Variants in ERICH2 observed in about 807,000 individuals in gnomAD.
ERICH2 encodes the protein glutamate-rich protein 2.
ERICH2 carries 17 observed loss-of-function variants against 17.4 expected under a neutral mutation model. That is an observed-to-expected ratio of 0.98 (90% CI 0.67 to 1.47). The LOEUF is 1.47. Ranked by LOEUF, ERICH2 falls within the 40% of genes most tolerant of loss-of-function variation. ERICH2 has a pLI of 0.00. For synonymous variants in ERICH2, 51 were observed against 61.1 expected (o/e 0.83, Z 0.77); for missense variants, 186 against 183.2 (o/e 1.01, Z -0.09).
intron 2 of ERICH2, among the ~76,000 whole-genome samples, chr2:170,785,252 A>G (rs1701131525): frequency 6.6e-6 from 1 of 152,190 alleles, no homozygotes; most frequent in Admixed American, 6.5e-5. Context: ...AATATTATAT[A>G]TCAATAAAAA....
At chr2:170,778,875 T>C (rs1290630079), upstream of ERICH2, among the ~76,000 whole-genome samples, 1 of 152,044 alleles carries the variant, frequency 6.6e-6, no homozygotes, top group Non-Finnish European at 1.5e-5. Flanking sequence ...GAGCAAGGGG[T>C]GTTCCACCTC....
rs181004069 is a variant in ERICH2, at chr2:170,787,502, G to T, written c.216+2669G>T. On this transcript the variant is annotated intron_variant, in intron 2 of 4. Coordinates refer to ENST00000409885, the Ensembl canonical transcript of ERICH2. ...GAGGACCTTCCACTCTGGCTGGTAA[G>T]AACATGAGCTGCTCTCAACCCTGTC... Among the ~76,000 whole-genome samples, 1,188 of 152,342 alleles carry T rather than the reference G, an allele frequency of 7.8e-3. 23 individuals carry two copies. Among genetic ancestry groups the T allele is most frequent in the African/African-American group, 0.027 (1,134 of 41,574 alleles).
At chr2:170,791,308 T>C (rs1241788326) in intron 2 of ERICH2, among the ~76,000 whole-genome samples, 1 of 152,098 alleles carries the variant, frequency 6.6e-6, no homozygotes, top group Non-Finnish European at 1.5e-5. Flanking sequence ...TAACATACCA[T>C]GGGCAGGGGG....
At chr2:170,772,602 AATTTAT>A in the ERICH2 span, among the ~76,000 whole-genome samples, 1 of 152,210 alleles carries the variant, frequency 6.6e-6, no homozygotes, top group Non-Finnish European at 1.5e-5. Flanking sequence ...AAATATATAA[AATTTAT>A]ATTTAGTCAG....
chr2:170,782,224 C>G (rs1430717228), upstream of ERICH2: 2 of 853,922 alleles, frequency 2.3e-6, no homozygotes, highest in Non-Finnish European at 2.8e-6. Context: ...AATATTTTTT[C>G]ACTGTCTAAC....
At chr2:170,772,966 A>C in the ERICH2 span, among the ~76,000 whole-genome samples, 2 of 152,258 alleles carry the variant, frequency 1.3e-5, no homozygotes, top group African/African-American at 4.8e-5. Context: ...AAATTTTTTG[A>C]AATCTGAATT....
Position 170,794,521 on chromosome 2 carries a change from A to G in ERICH2, c.274+1601A>G, listed in dbSNP as rs560686413. Reference sequence around the variant, plus strand: ...GCTGTTAAAACTATTTAGTGAGTCCAAGGTTGTCTTTTCCAATTTTAGAAT... The same window carrying G: ...GCTGTTAAAACTATTTAGTGAGTCCGAGGTTGTCTTTTCCAATTTTAGAAT... On this transcript the variant is annotated intron_variant, in intron 3 of 4. Transcript: ENST00000409885. Among the ~76,000 whole-genome samples, 3 of 152,282 alleles carry G rather than the reference A, an allele frequency of 2.0e-5. No homozygotes were observed. The South Asian group carries it at 6.2e-4, about 32-fold the overall frequency.
At chr2:170,787,438 T>G (rs1701183403) in intron 2 of ERICH2, among the ~76,000 whole-genome samples, 1 of 152,230 alleles carries the variant, frequency 6.6e-6, no homozygotes, top group Non-Finnish European at 1.5e-5. Flanking sequence ...ACTAAGGCAG[T>G]GCCCTTATGG....
chr2:170,794,005 A>G (rs918522116), intron 3 of ERICH2, among the ~76,000 whole-genome samples: 12 of 148,264 alleles, frequency 8.1e-5, no homozygotes, highest in Admixed American at 3.4e-4. Context: ...CTTTTTTTTC[A>G]TGATGTCCCA....
At chr2:170,782,522 G>C (rs139359926), upstream of ERICH2, 1 of 205,476 alleles carries the variant, frequency 4.9e-6, no homozygotes, top group Non-Finnish European at 8.6e-6. Flanking sequence ...CCAAAGTCAT[G>C]TTGTAGGTGA....
chr2:170,777,809 C>A, the ERICH2 span: 2 of 481,398 alleles, frequency 4.2e-6, no homozygotes, highest in Non-Finnish European at 3.3e-6. Context: ...AGCACTTCAG[C>A]TTTTGCTGCA....
the ERICH2 span, chr2:170,771,043 T>C: frequency 7.0e-6 from 1 of 142,424 alleles, no homozygotes; most frequent in Non-Finnish European, 1.5e-5. The surrounding 1 kb of genome is among the most constrained non-coding windows in gnomAD (Gnocchi z 4.8). Context: ...CCTCGGCTGC[T>C]GCCCGAGCTT....
At chr2:170,775,834 A>G in the ERICH2 span, 1 of 152,570 alleles carries the variant, frequency 6.6e-6, no homozygotes. Context: ...ATTCAGGAGC[A>G]TAAGTCAATA....
At chr2:170,796,452 T>TTTTTTC (rs373654461) in intron 3 of ERICH2, among the ~76,000 whole-genome samples, 2 of 138,332 alleles carry the variant, frequency 1.4e-5, no homozygotes, top group Non-Finnish European at 3.1e-5. Flanking sequence ...TTTTTTTTTT[T>TTTTTTC]TGAGACAGCG....
intron 3 of ERICH2, among the ~76,000 whole-genome samples, chr2:170,794,103 T>TTA (rs1701356865): frequency 1.1e-5 from 1 of 92,344 alleles, no homozygotes; most frequent in Non-Finnish European, 2.1e-5. Context: ...TTTCCTTTCT[T>TTA]TCTTTTTTTT....
At chr2:170,796,790 GC>G (rs1290582500) in intron 3 of ERICH2, among the ~76,000 whole-genome samples, 1 of 151,888 alleles carries the variant, frequency 6.6e-6, no homozygotes, top group African/African-American at 2.4e-5. Context: ...ATGTTTCAGT[GC>G]CCCCCTTGGA....
At chr2:170,776,528 C>A in the ERICH2 span, among the ~76,000 whole-genome samples, 1 of 152,130 alleles carries the variant, frequency 6.6e-6, no homozygotes, top group East Asian at 1.9e-4. Flanking sequence ...CAGGCATCTG[C>A]CACCATGCCC....
chr2:170,779,033 A>C (rs1700970058), upstream of ERICH2, among the ~76,000 whole-genome samples: 1 of 152,162 alleles, frequency 6.6e-6, no homozygotes, highest in Non-Finnish European at 1.5e-5. Context: ...ATTTCCCTTT[A>C]ATTTGCTTTC....
At chr2:170,793,070 T>C (rs1221359666) in intron 3 of ERICH2, 150 bp downstream of exon 8, 2 of 486,228 alleles carry the variant, frequency 4.1e-6, no homozygotes, top group Non-Finnish European at 7.4e-6. Flanking sequence ...GGTTGATTGG[T>C]ATAAGTACTA....
Sources: allele counts gnomAD v4.1 joint callset (sites outside exome capture counted in the v4.1 genomes callset), GRCh38; gene constraint gnomAD v4.1.1; non-coding constraint Gnocchi (gnomAD v3.1); transcripts MANE v1.5; gene names NCBI Gene and HGNC (gene_info 2026-07-23, HGNC 2026-07-21).